Variants in PTPRD observed in about 807,000 individuals in gnomAD.
PTPRD encodes protein tyrosine phosphatase receptor type D, also known as receptor-type tyrosine-protein phosphatase delta.
In PTPRD, 34 loss-of-function variants were observed where a neutral mutation model predicts 214.5. The ratio of observed to expected loss-of-function variants is 0.16; its 90% CI spans 0.12 to 0.21. PTPRD has a LOEUF of 0.21. PTPRD is among the 10% of genes least tolerant of loss of function. The pLI is 1.00. For synonymous variants in PTPRD, 1,128 were observed against 845.7 expected, an observed-to-expected ratio of 1.33 and a Z score of -5.79; for missense variants, 2,545 against 2,398.7, an observed-to-expected ratio of 1.06 and a Z score of -1.27.
chr9:8,502,268 G>C (rs1463107266), intron 23 of PTPRD, among the ~76,000 whole-genome samples: 1 of 152,038 alleles, frequency 6.6e-6, no homozygotes, highest in Non-Finnish European at 1.5e-5. Flanking sequence ...GATAACACAA[G>C]TCCATACACA....
At chr9:9,140,068 C>T (rs1447183644) in intron 10 of PTPRD, among the ~76,000 whole-genome samples, 5 of 151,428 alleles carry the variant, frequency 3.3e-5, no homozygotes, top group Non-Finnish European at 5.9e-5. Context: ...GTCAGGAAAC[C>T]AAAGTCAATG....
At position 8,319,981 on chromosome 9, in the gene PTPRD, A is replaced by T. The variant is rs1223246300; in HGVS notation, c.5535-15T>A. The T allele has an allele frequency of 6.2e-7, 1 of 1,610,448 alleles. No homozygotes were observed. Among genetic ancestry groups the T allele is most frequent in the Non-Finnish European group, 8.5e-7 (1 of 1,178,444 alleles). ...CAACGCCCGCGCTGCCACAATAACA[A>T]AGGCGATGTTACTGGGTGAGATGTT... On this transcript the variant is annotated splice_polypyrimidine_tract_variant and intron_variant, in intron 44 of 45. Coordinates refer to ENST00000381196, the MANE Select transcript of PTPRD (RefSeq NM_002839.4).
chr9:9,614,299 C>G (rs918779842), intron 7 of PTPRD, among the ~76,000 whole-genome samples: 13 of 152,108 alleles, frequency 8.5e-5, no homozygotes, highest in African/African-American at 2.9e-4. Context: ...CAATTCTCAG[C>G]AGTTCAACTA....
At chr9:9,947,313 A>ATATTATATATATTATATATG in intron 4 of PTPRD, among the ~76,000 whole-genome samples, 1 of 74,570 alleles carries the variant, frequency 1.3e-5, no homozygotes, top group Non-Finnish European at 2.2e-5. Context: ...TTTTATATAT[A>ATATTATATATATTATATATG]TATTATATAT....
At chr9:8,679,223 C>T (rs2097501401) in intron 12 of PTPRD, among the ~76,000 whole-genome samples, 1 of 152,228 alleles carries the variant, frequency 6.6e-6, no homozygotes. Flanking sequence ...CATCATCCCA[C>T]AACTTCAAAG....
intron 11 of PTPRD, among the ~76,000 whole-genome samples, chr9:8,841,658 T>G (rs2097560080): frequency 6.6e-6 from 1 of 151,884 alleles, no homozygotes; most frequent in Non-Finnish European, 1.5e-5. Context: ...AACCTGTTTT[T>G]GTTTATTTTG....
chr9:8,405,412 T>C (rs2092872579), intron 35 of PTPRD, among the ~76,000 whole-genome samples: 1 of 152,066 alleles, frequency 6.6e-6, no homozygotes, highest in African/African-American at 2.4e-5. Flanking sequence ...TCTGATTTTA[T>C]CCCTTTCTTT....
At position 8,347,728 on chromosome 9, in the gene PTPRD, A is replaced by T. The variant is rs184096432; in HGVS notation, c.4662-5750T>A. ...AAGGTGGGAGCTTTAATCAGATAGG[A>T]TGGATGTCCTTGTAAGAGGAAGAGA... On this transcript the variant is annotated intron_variant, in intron 39 of 45. Coordinates refer to ENST00000381196, the MANE Select transcript of PTPRD (RefSeq NM_002839.4). Among the ~76,000 whole-genome samples, 21 of 152,260 alleles carry T rather than the reference A, an allele frequency of 1.4e-4. No homozygotes were observed. The East Asian group carries it at 3.9e-3, about 28-fold the overall frequency.
At chr9:9,075,200 A>G (rs923655765) in intron 10 of PTPRD, among the ~76,000 whole-genome samples, 1 of 152,070 alleles carries the variant, frequency 6.6e-6, no homozygotes, top group Non-Finnish European at 1.5e-5. Flanking sequence ...TTTAGGGTAC[A>G]TGAGATATTT....
chr9:10,142,375 T>A (rs897603041), intron 3 of PTPRD, among the ~76,000 whole-genome samples: 2,510 of 151,818 alleles, frequency 0.017, 62 homozygotes, highest in African/African-American at 0.058. Flanking sequence ...AACCTACTCA[T>A]CTGACAAAGG....
chr9:8,369,437 T>A (rs1238805644), intron 39 of PTPRD, among the ~76,000 whole-genome samples: 2 of 151,690 alleles, frequency 1.3e-5, no homozygotes, highest in Non-Finnish European at 2.9e-5. Context: ...CTTAGGAGTT[T>A]TTACAACCCC....
intron 8 of PTPRD, among the ~76,000 whole-genome samples, chr9:9,516,876 A>G (rs2096851180): frequency 6.6e-6 from 1 of 152,096 alleles, no homozygotes; most frequent in Admixed American, 6.6e-5. Context: ...AGTCCATTTT[A>G]TCTACACTAA....
At chr9:8,669,643 G>A (rs1021145906) in intron 12 of PTPRD, among the ~76,000 whole-genome samples, 2 of 152,190 alleles carry the variant, frequency 1.3e-5, no homozygotes, top group South Asian at 2.1e-4. Flanking sequence ...GTTTCAAAGA[G>A]AGACAAGGAC....
chr9:10,016,105 A>T (rs1467801711), intron 4 of PTPRD, among the ~76,000 whole-genome samples: 1 of 152,120 alleles, frequency 6.6e-6, no homozygotes, highest in Non-Finnish European at 1.5e-5. Flanking sequence ...ATTAAATCAT[A>T]TGTGGTTGGT....
chr9:9,612,678 G>GA (rs990663774), intron 7 of PTPRD, among the ~76,000 whole-genome samples: 36 of 148,726 alleles, frequency 2.4e-4, no homozygotes, highest in South Asian at 4.2e-4. Context: ...TACAATCTTT[G>GA]AAAAAAAAGG....
At chr9:8,927,702 T>C (rs908650031) in intron 11 of PTPRD, among the ~76,000 whole-genome samples, 24 of 152,208 alleles carry the variant, frequency 1.6e-4, no homozygotes, top group Admixed American at 1.2e-3. Flanking sequence ...GAATGATTTA[T>C]AATCCTTTGG....
At position 10,051,483 on chromosome 9, in the gene PTPRD, G is replaced by A. The variant is rs1031292811; in HGVS notation, c.-544-17693C>T. On this transcript the variant is annotated intron_variant, in intron 3 of 45. Coordinates refer to ENST00000381196, the MANE Select transcript of PTPRD (RefSeq NM_002839.4). ...TTATTATTATACTTTAAGTTTTAGG[G>A]TTCATGTGCACAACATGCAGGTTTG... 4.0e-5 allele frequency among the ~76,000 whole-genome samples: 6 copies of A among 151,506 alleles called. No homozygotes were observed. In the South Asian group the frequency reaches 6.3e-4, roughly 16 times the overall value.
rs543164938 is a variant in PTPRD at position 9,483,739 on chromosome 9, C to T, written c.-236-86257G>A. On this transcript the variant is annotated intron_variant, in intron 8 of 45. Coordinates refer to ENST00000381196, the MANE Select transcript of PTPRD (RefSeq NM_002839.4). ...AGGAATAAGTAACTCATTTCCTGGG[C>T]TCATGGTGTTACAGAAAACAAAGAA... 7.6e-4 allele frequency among the ~76,000 whole-genome samples: 115 copies of T among 151,286 alleles called. 1 individual carries two copies. Among genetic ancestry groups the T allele is most frequent in the Non-Finnish European group, 1.4e-3 (98 of 67,858 alleles).
chr9:8,515,395 T>C (rs189432519), intron 21 of PTPRD, among the ~76,000 whole-genome samples: 6 of 152,286 alleles, frequency 3.9e-5, no homozygotes, highest in African/African-American at 1.4e-4. Flanking sequence ...TTACAAAATG[T>C]TTCCCTCCAT....
Sources: gnomAD v4.1 joint callset for allele counts (sites outside exome capture counted in the v4.1 genomes callset) on GRCh38, gnomAD v4.1.1 for gene constraint, MANE v1.5 for transcripts, NCBI Gene and HGNC (gene_info 2026-07-23, HGNC 2026-07-21) for gene names.